Variants in RHBDL2 observed in about 807,000 individuals in gnomAD.
RHBDL2 encodes rhomboid-related protein 2.
RHBDL2 carries 26 observed loss-of-function variants against 31.7 expected under a neutral mutation model. The ratio of observed to expected loss-of-function variants is 0.82; its 90% CI spans 0.60 to 1.14. RHBDL2 has a LOEUF of 1.14. RHBDL2 is among the 50% of genes most tolerant of loss of function. The pLI, the probability that RHBDL2 is intolerant of heterozygous loss-of-function variation, is 0.00. For missense variants in RHBDL2, 336 were observed against 364.4 expected, an observed-to-expected ratio of 0.92 and a Z score of 0.63; for synonymous variants, 123 against 127.2, an observed-to-expected ratio of 0.97 and a Z score of 0.22.
chr1:38,928,197 A>G (rs1266295284), intron 1 of RHBDL2, among the ~76,000 whole-genome samples: 2 of 140,134 alleles, frequency 1.4e-5, no homozygotes, highest in African/African-American at 2.8e-5. Flanking sequence ...GCTGGAATGC[A>G]GTGGTGCGAT....
chr1:38,892,216 C>G (rs1205243409), intron 6 of RHBDL2, among the ~76,000 whole-genome samples: 1 of 152,136 alleles, frequency 6.6e-6, no homozygotes, highest in Non-Finnish European at 1.5e-5. Flanking sequence ...TATCATTAAT[C>G]CTCAACTATC....
intron 5 of RHBDL2, among the ~76,000 whole-genome samples, chr1:38,894,450 G>A (rs1478755985): frequency 2.0e-5 from 3 of 152,014 alleles, no homozygotes; most frequent in African/African-American, 4.8e-5. Flanking sequence ...AGCCTCCAGA[G>A]TAGCTGGGAC....
At chr1:38,911,580 T>A in intron 3 of RHBDL2, 146 bp from the exon 4 acceptor site, 4 of 623,220 alleles carry the variant, frequency 6.4e-6, no homozygotes, top group Admixed American at 2.8e-5. Flanking sequence ...CGCAGACAAC[T>A]CTTTTTTTCT....
intron 4 of RHBDL2, among the ~76,000 whole-genome samples, chr1:38,908,569 T>C (rs1305045353): frequency 8.2e-6 from 1 of 121,532 alleles, no homozygotes; most frequent in Non-Finnish European, 1.7e-5. Flanking sequence ...CACTTAGGAG[T>C]GAAATGGGAA....
At chr1:38,932,147 G>A (rs1275861923) in intron 1 of RHBDL2, among the ~76,000 whole-genome samples, 1 of 151,974 alleles carries the variant, frequency 6.6e-6, no homozygotes, top group African/African-American at 2.4e-5. Context: ...AGCCCAAGGT[G>A]CCCACATGGA....
intron 4 of RHBDL2, among the ~76,000 whole-genome samples, chr1:38,906,780 T>C (rs2124319828): frequency 6.6e-6 from 1 of 152,084 alleles, no homozygotes; most frequent in Non-Finnish European, 1.5e-5. Context: ...GAGATATAAA[T>C]AAAAGACACT....
intron 4 of RHBDL2, among the ~76,000 whole-genome samples, chr1:38,902,923 A>G (rs1485309116): frequency 6.6e-6 from 1 of 152,212 alleles, no homozygotes; most frequent in Non-Finnish European, 1.5e-5. Context: ...TAAAAACTAA[A>G]TAACACATTT....
chr1:38,919,670 G>A (rs536464769), intron 1 of RHBDL2, among the ~76,000 whole-genome samples: 3 of 151,242 alleles, frequency 2.0e-5, no homozygotes, highest in Admixed American at 6.6e-5. Context: ...GTGCAATGGC[G>A]AGATCTCAGC....
chr1:38,915,950 C>T (rs1164559952), intron 2 of RHBDL2, among the ~76,000 whole-genome samples: 1 of 152,218 alleles, frequency 6.6e-6, no homozygotes, highest in Non-Finnish European at 1.5e-5. Context: ...ACTTTCTGAA[C>T]CCCTTTTGCC....
At chr1:38,926,091 C>T (rs966112524) in intron 1 of RHBDL2, 1 of 1,215,246 alleles carries the variant, frequency 8.2e-7, no homozygotes, top group Non-Finnish European at 1.1e-6. Context: ...GATCCCACTA[C>T]AGACATTAAC....
At chr1:38,938,314 C>A (rs1643531356) in intron 1 of RHBDL2, among the ~76,000 whole-genome samples, 1 of 152,152 alleles carries the variant, frequency 6.6e-6, no homozygotes. Flanking sequence ...CGCGCCCAGC[C>A]AAAATCTTTT....
At chr1:38,924,816 CTT>C (rs1416773082) in intron 1 of RHBDL2, among the ~76,000 whole-genome samples, 1 of 124,962 alleles carries the variant, frequency 8.0e-6, no homozygotes, top group Non-Finnish European at 1.6e-5. Flanking sequence ...GAGTTTTGCT[CTT>C]GTTGCCAGGC....
At chr1:38,890,267 G>A (rs886071983) in intron 6 of RHBDL2, among the ~76,000 whole-genome samples, 16 of 151,998 alleles carry the variant, frequency 1.1e-4, no homozygotes, top group African/African-American at 3.9e-4. Flanking sequence ...TGATCCACCC[G>A]CCTCGGCTTC....
intron 1 of RHBDL2, among the ~76,000 whole-genome samples, chr1:38,938,075 C>T (rs898541336): frequency 1.1e-4 from 17 of 151,602 alleles, no homozygotes; most frequent in Admixed American, 6.6e-4. Flanking sequence ...TGGAGTGCAG[C>T]GGCACAATCT....
Position 38,887,717 on chromosome 1 carries a change from C to T in RHBDL2, c.732+246G>A, listed in dbSNP as rs113854914. 4.7e-3 allele frequency among the ~76,000 whole-genome samples: 717 copies of T among 152,252 alleles called. 8 individuals are homozygous for T. The highest frequency in any genetic ancestry group is 0.016 in the African/African-American group (678 of 41,548). ...GGATTACAGGCATGAGCCACCACGC[C>T]TGGCCATTCTCTCCTGTTTTGGAAT... On this transcript the variant is annotated intron_variant, in intron 7 of 7. Coordinates refer to ENST00000372990, the MANE Select transcript of RHBDL2 (RefSeq NM_017821.5).
intron 4 of RHBDL2, among the ~76,000 whole-genome samples, chr1:38,910,114 G>A (rs1051512357): frequency 6.6e-6 from 1 of 152,126 alleles, no homozygotes; most frequent in Non-Finnish European, 1.5e-5. Flanking sequence ...GGTATATACC[G>A]GATTATTCCA....
rs763451284 is a variant in RHBDL2, at chr1:38,915,706, G to T, written c.251C>A (p.Ala84Glu). 1.9e-6 allele frequency: 3 copies of T among 1,613,928 alleles called. No homozygotes were observed. Among genetic ancestry groups the T allele is most frequent in the Non-Finnish European group, 2.5e-6 (3 of 1,180,006 alleles). ...FIISISLAEL[A>E]VFIYYAVWKP... The stretch of plus-strand genomic sequence containing the variant: ...CCACACAGCATAGTAAATAAACACT[G>T]CCAGCTGATGGAGGGAGCAGACATG... The change falls in exon 3 of 8, where the codon GCA (alanine) becomes GAA (glutamate). Residue 84 changes from alanine to glutamate, a missense_variant. Coordinates refer to ENST00000372990, the MANE Select transcript of RHBDL2 (RefSeq NM_017821.5).
intron 1 of RHBDL2, among the ~76,000 whole-genome samples, chr1:38,935,616 G>A (rs1054160299): frequency 4.6e-5 from 7 of 151,978 alleles, no homozygotes; most frequent in Non-Finnish European, 8.8e-5. Flanking sequence ...CAAATTTTTC[G>A]TTTTGTTTTG....
At position 38,891,946 on chromosome 1, in the gene RHBDL2, G is replaced by A. The variant is rs545198618; in HGVS notation, c.670+1218C>T. ...GGTGGAGAGAACTTCAACTGGAGCA[G>A]GTCTGTCAACACCAGTTACCACCCC... On this transcript the variant is annotated intron_variant, in intron 6 of 7. Coordinates refer to ENST00000372990, the MANE Select transcript of RHBDL2 (RefSeq NM_017821.5). Among the ~76,000 whole-genome samples the A allele has an allele frequency of 3.3e-5, 5 of 152,230 alleles. No homozygotes were observed. The South Asian group carries it at 6.2e-4, about 19-fold the overall frequency.
Sources: allele counts gnomAD v4.1 joint callset (sites outside exome capture counted in the v4.1 genomes callset), GRCh38; gene constraint gnomAD v4.1.1; transcripts MANE v1.5; gene names NCBI Gene and HGNC (gene_info 2026-07-23, HGNC 2026-07-21).